Variants in SLC25A26 observed in about 807,000 individuals in gnomAD.
SLC25A26 encodes solute carrier family 25 member 26.
In SLC25A26, 36 loss-of-function variants were observed where a neutral mutation model predicts 37.8. The observed-to-expected ratio is 0.95, with a 90% CI of 0.73 to 1.26. SLC25A26 has a LOEUF of 1.26. Among genes scored for constraint, SLC25A26 ranks in the 50% most tolerant of loss-of-function variants. The probability of loss-of-function intolerance (pLI) is 0.00; values close to 1 mark genes in which losing one functional copy is unlikely to be tolerated. For synonymous variants in SLC25A26, 129 were observed against 122.5 expected, an observed-to-expected ratio of 1.05 and a Z score of -0.35; for missense variants, 390 against 331.1, an observed-to-expected ratio of 1.18 and a Z score of -1.38.
chr3:66,174,317 C>A (rs573221225), intron 1 of SLC25A26, among the ~76,000 whole-genome samples: 3 of 152,358 alleles, frequency 2.0e-5, no homozygotes, highest in Admixed American at 6.5e-5. Flanking sequence ...CATATCCCCC[C>A]ACTTTTGCAT....
chr3:66,371,260 G>C (rs751472588), intron 9 of SLC25A26: 2 of 1,548,306 alleles, frequency 1.3e-6, no homozygotes, highest in African/African-American at 1.4e-5. Flanking sequence ...TTTGCAGAGG[G>C]TCGGTCGGCA....
At chr3:66,256,567 A>G (rs2073310632) in intron 3 of SLC25A26, among the ~76,000 whole-genome samples, 1 of 152,192 alleles carries the variant, frequency 6.6e-6, no homozygotes, top group Non-Finnish European at 1.5e-5. Context: ...TTACATAAGT[A>G]TATGTATAGG....
At position 66,362,805 on chromosome 3, in the gene SLC25A26, T is replaced by C. The variant is rs2076740766; in HGVS notation, c.499-55T>C. 5 of 1,304,498 alleles carry C rather than the reference T, an allele frequency of 3.8e-6. No individual in the cohort carries two copies. In the South Asian group the frequency reaches 7.0e-5, roughly 18 times the overall value. The allele number at this position is 1,304,498 out of a possible 1,614,324, so 80.8% of individuals were successfully genotyped here. A position where few individuals can be genotyped will look rare whatever the true frequency, so the allele number is the denominator to read the frequency against. On this transcript the variant is annotated intron_variant, in intron 6 of 9. Coordinates refer to ENST00000354883, the MANE Select transcript of SLC25A26 (RefSeq NM_001379210.1). ...ATCCCCAGAGCTAACCCACAGGAGG[T>C]TCCGATAAATTCAAATATTTAATAA...
intron 1 of SLC25A26, among the ~76,000 whole-genome samples, chr3:66,183,164 A>G (rs1299224645): frequency 6.6e-6 from 1 of 151,766 alleles, no homozygotes; most frequent in African/African-American, 2.4e-5. Flanking sequence ...CTCAGCCTGA[A>G]GCTGACCCTG....
intron 1 of SLC25A26, among the ~76,000 whole-genome samples, chr3:66,135,217 T>G (rs1012229602): frequency 1.3e-5 from 2 of 152,218 alleles, no homozygotes; most frequent in African/African-American, 4.8e-5. Context: ...TTTTGTATTA[T>G]CAACTTTTAA....
At chr3:66,138,237 A>C (rs577921996) in intron 1 of SLC25A26, among the ~76,000 whole-genome samples, 1 of 152,298 alleles carries the variant, frequency 6.6e-6, no homozygotes, top group Non-Finnish European at 1.5e-5. Context: ...ATGGTGATCA[A>C]AGCTGTTCAA....
chr3:66,248,592 A>C (rs1181487838), intron 3 of SLC25A26, among the ~76,000 whole-genome samples: 1 of 152,180 alleles, frequency 6.6e-6, no homozygotes, highest in African/African-American at 2.4e-5. Context: ...AAAAACATTG[A>C]AATTTCTTCA....
intron 6 of SLC25A26, among the ~76,000 whole-genome samples, chr3:66,353,671 C>T (rs1398820335): frequency 6.6e-6 from 1 of 152,210 alleles, no homozygotes; most frequent in Non-Finnish European, 1.5e-5. Flanking sequence ...AAAGCCTGGC[C>T]AGCATATTTC....
At position 66,310,897 on chromosome 3, in the gene SLC25A26, TG is replaced by T. The variant is rs1326347319; in HGVS notation, c.454-35466del. ...GATGGGCTTCACCTTGTAGGTAGCC[TG>T]ACCTTTCTCTCCGGCTGCCCTTAAC... On this transcript the variant is annotated intron_variant, in intron 5 of 9. Transcript: ENST00000354883. 1.4e-4 allele frequency among the ~76,000 whole-genome samples: 22 copies of T among 152,332 alleles called. No homozygotes were observed. In the East Asian group the frequency reaches 3.1e-3, roughly 21 times the overall value.
chr3:66,369,801 G>C (rs531382943), intron 8 of SLC25A26, among the ~76,000 whole-genome samples: 2 of 152,308 alleles, frequency 1.3e-5, no homozygotes, highest in South Asian at 4.1e-4. Flanking sequence ...AATAAACTCT[G>C]TTTTTACTGG....
intron 7 of SLC25A26, among the ~76,000 whole-genome samples, chr3:66,364,360 T>C (rs1037253402): frequency 3.3e-5 from 5 of 152,162 alleles, no homozygotes; most frequent in African/African-American, 7.2e-5. Flanking sequence ...GATCCTACCA[T>C]CCAGGCCCTT....
intron 3 of SLC25A26, among the ~76,000 whole-genome samples, chr3:66,253,543 A>G (rs936961892): frequency 9.2e-5 from 14 of 152,044 alleles, no homozygotes; most frequent in African/African-American, 3.1e-4. Context: ...AGATAGAGCG[A>G]GGGGCCACAA....
In SLC25A26 at chr3:66,209,898, T is replaced by TATATATTTATATATATATA. The variant is rs2071256377; in HGVS notation, c.-353-10844_-353-10843insATATATTTATATATATATA. On this transcript the variant is annotated intron_variant, in intron 1 of 10. Transcript: ENST00000676754. ...TATACTCCTCTCTCTCTCTCTCTAT[T>TATATATTTATATATATATA]TATATATATATATATATATATATAT... is the stretch of plus-strand genomic sequence containing the variant. 2.3e-4 allele frequency among the ~76,000 whole-genome samples: 9 copies of TATATATTTATATATATATA among 38,608 alleles called. 1 individual carries two copies. Among genetic ancestry groups the TATATATTTATATATATATA allele is most frequent in the African/African-American group, 7.9e-4 (9 of 11,360 alleles). 25.3% of individuals were successfully genotyped at this position (38,608 alleles called of 152,430 possible). A position where few individuals can be genotyped will look rare whatever the true frequency, so the allele number is the denominator to read the frequency against.
chr3:66,257,025 T>G (rs2073331325), intron 3 of SLC25A26, among the ~76,000 whole-genome samples: 1 of 152,214 alleles, frequency 6.6e-6, no homozygotes. Context: ...ACCAGCTGAT[T>G]AGTAAGTTTG....
intron 3 of SLC25A26, among the ~76,000 whole-genome samples, chr3:66,254,412 G>A (rs1187919893): frequency 1.3e-5 from 2 of 152,122 alleles, no homozygotes; most frequent in Non-Finnish European, 2.9e-5. Context: ...AGTTTCCAGG[G>A]GTCTCTCCCT....
At chr3:66,237,251 A>C (rs1260893149) in intron 2 of SLC25A26, among the ~76,000 whole-genome samples, 1 of 152,232 alleles carries the variant, frequency 6.6e-6, no homozygotes, top group Non-Finnish European at 1.5e-5. Context: ...AAAATTTCCA[A>C]CTAGAATCCT....
At chr3:66,350,353 C>A (rs552641694) in intron 6 of SLC25A26, among the ~76,000 whole-genome samples, 1 of 152,312 alleles carries the variant, frequency 6.6e-6, no homozygotes, top group African/African-American at 2.4e-5. Flanking sequence ...CAGTATTCTC[C>A]TGGCCACCTG....
chr3:66,352,430 TTTTTGTTTTTTG>T (rs931454928), intron 6 of SLC25A26, among the ~76,000 whole-genome samples: 1 of 135,768 alleles, frequency 7.4e-6, no homozygotes, highest in African/African-American at 2.8e-5. Flanking sequence ...CGTTTTTTGT[TTTTTGTTTTTTG>T]TTTTTTTTTT....
At chr3:66,252,509 T>C (rs1287229460) in intron 3 of SLC25A26, among the ~76,000 whole-genome samples, 1 of 152,210 alleles carries the variant, frequency 6.6e-6, no homozygotes, top group Non-Finnish European at 1.5e-5. Context: ...GTAGGCCATT[T>C]ACTTGCCTTC....
Sources: gnomAD v4.1 joint callset for allele counts (sites outside exome capture counted in the v4.1 genomes callset) on GRCh38, gnomAD v4.1.1 for gene constraint, MANE v1.5 for transcripts, NCBI Gene and HGNC (gene_info 2026-07-23, HGNC 2026-07-21) for gene names.